Variants in FRMD5 observed in about 807,000 individuals in gnomAD.
The protein encoded by FRMD5 is FERM domain containing 5.
A neutral mutation model predicts 69.0 loss-of-function variants in FRMD5; 20 were observed. The ratio of observed to expected loss-of-function variants is 0.29; its 90% CI spans 0.20 to 0.42. FRMD5 has a LOEUF of 0.42. Among genes scored for constraint, FRMD5 ranks in the 10% least tolerant of loss-of-function variants. FRMD5 has a pLI of 1.00. For synonymous variants in FRMD5, 271 were observed against 260.1 expected (o/e 1.04, Z -0.40); for missense variants, 595 against 708.6 (o/e 0.84, Z 1.82).
intron 11 of FRMD5, 75 bp from the exon 12 acceptor site, chr15:43,884,870 G>T: frequency 7.7e-7 from 1 of 1,301,216 alleles, no homozygotes; most frequent in Non-Finnish European, 1.1e-6. Context: ...CAAGATCTTA[G>T]GTGCTTTCCC....
chr15:43,877,775 T>C (rs1235513463), intron 13 of FRMD5, among the ~76,000 whole-genome samples: 1 of 152,250 alleles, frequency 6.6e-6, no homozygotes, highest in African/African-American at 2.4e-5. Context: ...TATCTTTCAG[T>C]AACTCCACAA....
intron 1 of FRMD5, among the ~76,000 whole-genome samples, chr15:43,968,319 C>T (rs558250012): frequency 1.3e-5 from 2 of 152,188 alleles, no homozygotes; most frequent in Non-Finnish European, 2.9e-5. Context: ...GTATTCCTTG[C>T]CAATGGAGTA....
intron 1 of FRMD5, among the ~76,000 whole-genome samples, chr15:43,964,246 C>T (rs1444555619): frequency 6.6e-6 from 1 of 151,956 alleles, no homozygotes; most frequent in Non-Finnish European, 1.5e-5. Context: ...ATCAAAAGTC[C>T]TTATAAATAT....
At position 43,975,191 on chromosome 15, in the gene FRMD5, T is replaced by C. The variant is rs140855138; in HGVS notation, c.103-50882A>G. ...CTCAAATCAGAGTTCTCAAAAGTCATCTAAGCTAGAATATGCCAGGGAATA... is the reference window on the plus strand; with the variant it reads ...CTCAAATCAGAGTTCTCAAAAGTCACCTAAGCTAGAATATGCCAGGGAATA... On this transcript the variant is annotated intron_variant, in intron 1 of 13. Coordinates refer to ENST00000417257, the MANE Select transcript of FRMD5 (RefSeq NM_032892.5). Among the ~76,000 whole-genome samples, 671 of 152,334 alleles carry C rather than the reference T, an allele frequency of 4.4e-3. 1 individual carries two copies. The highest frequency in any genetic ancestry group is 0.014 in the Middle Eastern group (4 of 294).
At chr15:43,999,928 T>TATATATATATATGCCATGC (rs1890109733) in intron 1 of FRMD5, among the ~76,000 whole-genome samples, 3 of 44,972 alleles carry the variant, frequency 6.7e-5, no homozygotes, top group African/African-American at 2.0e-4. Context: ...TGTATGTATA[T>TATATATATATATGCCATGC]ATATATATAT....
chr15:44,195,031 G>T lies in FRMD5; in HGVS notation c.24C>A (p.Gly8=). The part of the protein sequence containing the change: MLSRLMS[G]SSRSLEREYS... ...ACTCGCGCTCCAGGCTCCTGCTGCT[G>T]CCGCTCATCAACCTGCTCAGCATCT... The change falls in exon 1 of 14, where the codon GGC becomes GGA. Residue 8 remains glycine (G), a synonymous_variant. Transcript: ENST00000417257. The T allele has an allele frequency of 6.4e-7, 1 of 1,553,188 alleles. No individual in the cohort carries two copies. The highest frequency in any genetic ancestry group is 1.8e-5 in the Admixed American group (1 of 54,920).
intron 1 of FRMD5, among the ~76,000 whole-genome samples, chr15:44,142,557 A>G (rs1391122189): frequency 1.3e-5 from 2 of 152,216 alleles, no homozygotes; most frequent in Non-Finnish European, 2.9e-5. Flanking sequence ...TGGGAAATAT[A>G]TAACTATTGA....
chr15:44,156,230 G>T (rs940150869), intron 1 of FRMD5, among the ~76,000 whole-genome samples: 1 of 151,746 alleles, frequency 6.6e-6, no homozygotes, highest in Non-Finnish European at 1.5e-5. Flanking sequence ...TGCAACCTCT[G>T]CTTCCCAGGT....
At position 43,905,906 on chromosome 15, in the gene FRMD5, C is replaced by T. The variant is rs569540013; in HGVS notation, c.473G>A (p.Ser158Asn). 1 of 1,614,222 alleles carries T rather than the reference C, an allele frequency of 6.2e-7. No individual in the cohort carries two copies. Among genetic ancestry groups the T allele is most frequent in the South Asian group, 1.1e-5 (1 of 91,084 alleles). Residue 158 changes from serine to asparagine, a missense_variant, in exon 6 of 14, where the codon AGC becomes AAC. Coordinates refer to ENST00000417257, the MANE Select transcript of FRMD5 (RefSeq NM_032892.5). ...TTTAGGGAAAAACTGGAACTTGGAG[C>T]TGTAGCCTTCAGGGTGTTTCCCTGA... ...YDSGKHPEGY[S>N]SKFQFFPKHS...
chr15:43,998,613 C>G (rs1009928656), intron 1 of FRMD5, among the ~76,000 whole-genome samples: 3 of 152,168 alleles, frequency 2.0e-5, no homozygotes, highest in African/African-American at 4.8e-5. Context: ...TCCCTAAACT[C>G]CACTGCCATT....
chr15:43,955,338 A>G (rs968460451), intron 1 of FRMD5, among the ~76,000 whole-genome samples: 1 of 152,244 alleles, frequency 6.6e-6, no homozygotes, highest in African/African-American at 2.4e-5. Context: ...GTGGATGTGA[A>G]ACAGGCTGTG....
rs2088465269 is a variant in FRMD5 at position 43,879,550 on chromosome 15, C to A, written c.1135+4153G>T. The A allele has an allele frequency of 7.5e-6, 3 of 399,036 alleles. No homozygotes were observed. In the East Asian group the frequency reaches 1.1e-4, roughly 14 times the overall value. The allele number at this position is 399,036 out of a possible 1,614,324, so 24.7% of individuals were successfully genotyped here. On this transcript the variant is annotated intron_variant, in intron 13 of 13. Coordinates refer to ENST00000417257, the MANE Select transcript of FRMD5 (RefSeq NM_032892.5). ...TGCCCGGGGGTCACAGCAGTCAGGACCCTACCCTGGAGCCGGGGCCCCATC... is the reference window on the plus strand; with the variant it reads ...TGCCCGGGGGTCACAGCAGTCAGGAACCTACCCTGGAGCCGGGGCCCCATC...
chr15:44,136,261 C>A (rs28557211), intron 1 of FRMD5, among the ~76,000 whole-genome samples: 2 of 152,042 alleles, frequency 1.3e-5, no homozygotes, highest in African/African-American at 2.4e-5. Flanking sequence ...TGGGTTTAAG[C>A]AATCCACCCA....
chr15:43,997,365 A>G lies in FRMD5; in HGVS notation c.103-73056T>C, dbSNP rs77197792. ...TACTCTTGAGATTCCTCAAGAAAAC[A>G]TATTTTTGACTCTAGGGAACAAAAA... On this transcript the variant is annotated intron_variant, in intron 1 of 13. Transcript: ENST00000417257. Among the ~76,000 whole-genome samples, 172 of 152,326 alleles carry G rather than the reference A, an allele frequency of 1.1e-3. 5 individuals are homozygous for G. In the East Asian group the frequency reaches 0.029, roughly 26 times the overall value.
intron 1 of FRMD5, among the ~76,000 whole-genome samples, chr15:44,122,764 C>T (rs1395186229): frequency 1.3e-5 from 2 of 151,828 alleles, no homozygotes; most frequent in Admixed American, 6.6e-5. Flanking sequence ...ATTAGCTAGG[C>T]GTGGTGGCGG....
intron 1 of FRMD5, among the ~76,000 whole-genome samples, chr15:44,097,584 T>G (rs1595716933): frequency 1.3e-5 from 2 of 152,330 alleles, no homozygotes; most frequent in East Asian, 3.9e-4. Flanking sequence ...TTTAACACTG[T>G]ATATAGAATA....
intron 1 of FRMD5, among the ~76,000 whole-genome samples, chr15:43,973,125 C>T (rs1024775012): frequency 6.6e-6 from 1 of 151,998 alleles, no homozygotes; most frequent in African/African-American, 2.4e-5. Context: ...CGGGTTCACG[C>T]CATTCTCCTG....
intron 1 of FRMD5, among the ~76,000 whole-genome samples, chr15:44,053,281 T>C (rs1892741840): frequency 6.6e-6 from 1 of 152,142 alleles, no homozygotes; most frequent in South Asian, 2.1e-4. Context: ...TCCTTGCCAG[T>C]CATGGTAAAG....
chr15:44,198,652 T>C (rs2078324984), upstream of FRMD5, among the ~76,000 whole-genome samples: 1 of 150,252 alleles, frequency 6.7e-6, no homozygotes, highest in Non-Finnish European at 1.5e-5. Context: ...GAGCTATGAC[T>C]GCATCACTGC....
Sources: allele counts gnomAD v4.1 joint callset (sites outside exome capture counted in the v4.1 genomes callset), GRCh38; gene constraint gnomAD v4.1.1; transcripts MANE v1.5; gene names NCBI Gene and HGNC (gene_info 2026-07-23, HGNC 2026-07-21).